The following SAMMSON variants were observed in gnomAD, a reference collection of about 807,000 sequenced individuals.
SAMMSON encodes survival associated mitochondrial melanoma specific oncogenic non-coding RNA, also known as long intergenic non-protein coding RNA 1212.
intron 6 of SAMMSON, among the ~76,000 whole-genome samples, chr3:70,285,285 C>T (rs1439677220): frequency 3.4e-5 from 5 of 146,652 alleles, no homozygotes; most frequent in African/African-American, 1.3e-4. Flanking sequence ...TCAATTCCCA[C>T]CTATGAGTGA....
chr3:70,232,556 C>A (rs1037730514), intron 4 of SAMMSON, among the ~76,000 whole-genome samples: 4 of 151,930 alleles, frequency 2.6e-5, no homozygotes, highest in Non-Finnish European at 1.5e-5. Context: ...CCCGCCACCA[C>A]GCCTGGCTAT....
At chr3:70,291,006 A>T (rs1442334172) in intron 6 of SAMMSON, among the ~76,000 whole-genome samples, 1 of 152,158 alleles carries the variant, frequency 6.6e-6, no homozygotes, top group Non-Finnish European at 1.5e-5. Flanking sequence ...GGAAATGCAG[A>T]AATCACCGGT....
At chr3:70,168,843 A>G (rs2067648513) in intron 4 of SAMMSON, among the ~76,000 whole-genome samples, 1 of 151,946 alleles carries the variant, frequency 6.6e-6, no homozygotes, top group Non-Finnish European at 1.5e-5. Flanking sequence ...ACTTTTTGCT[A>G]AGAAACAATG....
chr3:70,195,549 G>T (rs1475044945), intron 4 of SAMMSON, among the ~76,000 whole-genome samples: 1 of 152,152 alleles, frequency 6.6e-6, no homozygotes, highest in East Asian at 1.9e-4. Context: ...TGGTGATTTT[G>T]CCTGAAATTA....
At chr3:70,060,964 A>G (rs1317497713) in intron 3 of SAMMSON, among the ~76,000 whole-genome samples, 1 of 152,058 alleles carries the variant, frequency 6.6e-6, no homozygotes, top group South Asian at 2.1e-4. Context: ...GGGAGTGGAA[A>G]ATTATCTGGA....
At chr3:70,116,292 C>CT (rs57252778) in intron 4 of SAMMSON, among the ~76,000 whole-genome samples, 3,007 of 118,202 alleles carry the variant, frequency 0.025, 110 homozygotes, top group African/African-American at 0.078. Flanking sequence ...GCGATGCTTT[C>CT]TTTTTTTTTT....
chr3:70,163,769 C>T (rs76564751), intron 4 of SAMMSON, among the ~76,000 whole-genome samples: 2,292 of 152,060 alleles, frequency 0.015, 27 homozygotes, highest in Non-Finnish European at 0.019. Context: ...AGTAAAACAA[C>T]GGCCTCTTAA....
intron 4 of SAMMSON, among the ~76,000 whole-genome samples, chr3:70,075,868 AT>A (rs1227835938): frequency 8.0e-6 from 1 of 125,388 alleles, no homozygotes; most frequent in African/African-American, 3.0e-5. Context: ...TATAATTGTT[AT>A]TTTTCGATAC....
At chr3:70,016,138 C>T (rs1231547666) in intron 3 of SAMMSON, among the ~76,000 whole-genome samples, 1 of 152,208 alleles carries the variant, frequency 6.6e-6, no homozygotes, top group Admixed American at 6.5e-5. Flanking sequence ...GGAATTGCCA[C>T]ACTGTCTTCC....
intron 3 of SAMMSON, among the ~76,000 whole-genome samples, chr3:70,028,404 A>G (rs1284988258): frequency 6.6e-6 from 1 of 152,078 alleles, no homozygotes. Flanking sequence ...TACATTCCCA[A>G]GACCATTCAC....
At chr3:70,171,622 G>C (rs1700955285) in intron 4 of SAMMSON, among the ~76,000 whole-genome samples, 1 of 151,726 alleles carries the variant, frequency 6.6e-6, no homozygotes, top group Non-Finnish European at 1.5e-5. Flanking sequence ...CTTTGGGGGG[G>C]GGAGCTTGAC....
intron 4 of SAMMSON, among the ~76,000 whole-genome samples, chr3:70,232,399 T>C (rs1575602817): frequency 6.9e-6 from 1 of 144,080 alleles, no homozygotes; most frequent in African/African-American, 2.5e-5. Flanking sequence ...AATGATGATG[T>C]TCCTATTTTT....
chr3:70,209,594 G>C (rs960273146), intron 4 of SAMMSON, among the ~76,000 whole-genome samples: 3 of 152,040 alleles, frequency 2.0e-5, no homozygotes, highest in African/African-American at 7.2e-5. Context: ...ATTGTCCAAG[G>C]CCTCCTCCTT....
chr3:70,010,159 T>C (rs1426509995), intron 1 of SAMMSON, among the ~76,000 whole-genome samples: 2 of 152,114 alleles, frequency 1.3e-5, no homozygotes, highest in Non-Finnish European at 2.9e-5. Flanking sequence ...TTAGGTCTGC[T>C]TGGTGCAGAG....
At chr3:70,263,683 A>G (rs1455205370) in intron 6 of SAMMSON, among the ~76,000 whole-genome samples, 1 of 152,148 alleles carries the variant, frequency 6.6e-6, no homozygotes, top group East Asian at 1.9e-4. Context: ...ATATTTATCT[A>G]CCGAGCTCCC....
At chr3:70,383,442 A>T (rs1703091143) in intron 9 of SAMMSON, among the ~76,000 whole-genome samples, 1 of 152,032 alleles carries the variant, frequency 6.6e-6, no homozygotes, top group African/African-American at 2.4e-5. Context: ...TAAATGCTAT[A>T]ATTAGTCATT....
intron 9 of SAMMSON, among the ~76,000 whole-genome samples, chr3:70,374,027 G>A (rs1333223207): frequency 1.3e-5 from 2 of 152,128 alleles, no homozygotes; most frequent in Non-Finnish European, 2.9e-5. Flanking sequence ...CGATTCTCCT[G>A]TATCAGCCTC....
At chr3:70,022,272 G>C (rs13314759) in intron 3 of SAMMSON, among the ~76,000 whole-genome samples, 1 of 142,746 alleles carries the variant, frequency 7.0e-6, no homozygotes, top group East Asian at 2.1e-4. Flanking sequence ...AGAAATTGTT[G>C]CCGGGTGGGG....
rs538696902 is a variant in SAMMSON, at chr3:70,233,144, G to A, written n.508-15963G>A. 1.1e-4 allele frequency among the ~76,000 whole-genome samples: 17 copies of A among 152,282 alleles called. No individual in the cohort carries two copies. In the East Asian group the frequency reaches 1.9e-3, roughly 17 times the overall value. On this transcript the variant is annotated intron_variant and non_coding_transcript_variant, in intron 4 of 9. Transcript: ENST00000642114. The stretch of plus-strand genomic sequence containing the variant: ...GCAGAGTTTGCAGTGAGCCAAGATC[G>A]CGCCACTGCATTCCAGCCTGGGCAA...
Sources: allele counts gnomAD v4.1 joint callset (sites outside exome capture counted in the v4.1 genomes callset), GRCh38; gene constraint gnomAD v4.1.1; transcripts MANE v1.5; gene names NCBI Gene and HGNC (gene_info 2026-07-23, HGNC 2026-07-21).